Variants in MINK1 observed in about 807,000 individuals in gnomAD.
MINK1 encodes misshapen like kinase 1.
Under a neutral mutation model 178.4 loss-of-function variants are expected in MINK1, and 46 were observed. The ratio of observed to expected loss-of-function variants is 0.26; its 90% CI spans 0.20 to 0.33. The LOEUF is 0.33. MINK1 is among the 10% of genes least tolerant of loss of function. MINK1 has a pLI of 1.00. For synonymous variants in MINK1, 797 were observed against 709.7 expected, an observed-to-expected ratio of 1.12 and a Z score of -1.96; for missense variants, 1,366 against 1,814.9, an observed-to-expected ratio of 0.75 and a Z score of 4.49.
Position 4,894,388 on chromosome 17 carries a change from G to A in MINK1, c.2808+77G>A. On this transcript the variant is annotated intron_variant, in intron 23 of 31. Coordinates refer to ENST00000355280, the MANE Select transcript of MINK1 (RefSeq NM_153827.5). This position sits in a 1 kb window ranked among gnomAD's most constrained non-coding sequence, Gnocchi z 4.1. The stretch of plus-strand genomic sequence containing the variant: ...CAGGAGGTCCCGGTGCTGGGTAACG[G>A]CAGAGGATGGGGCGGAGCGCTGGGA... 1.9e-6 allele frequency: 3 copies of A among 1,558,204 alleles called. No homozygotes were observed. Among genetic ancestry groups the A allele is most frequent in the South Asian group, 1.2e-5 (1 of 84,674 alleles).
At chr17:4,893,932 G>A in intron 21 of MINK1, 56 bp from the exon 22 acceptor site, 1 of 1,409,718 alleles carries the variant, frequency 7.1e-7, no homozygotes, top group South Asian at 1.4e-5. Context: ...TGCTGCCTTT[G>A]GCACTTCTGT....
chr17:4,845,546 G>A (rs1372348231), intron 1 of MINK1, among the ~76,000 whole-genome samples: 1 of 152,148 alleles, frequency 6.6e-6, no homozygotes, highest in African/African-American at 2.4e-5. Flanking sequence ...TGGACCTCCA[G>A]GCCTCGACAG....
Position 4,878,195 on chromosome 17 carries a change from G to C in MINK1, c.58-122G>C, listed in dbSNP as rs1029626627. On this transcript the variant is annotated intron_variant, in intron 1 of 31. Transcript: ENST00000355280. ...AGCCAGCCACCAGGGTTCCTGCCAC[G>C]TGCCCTCCTGATATGCTGGTCTTCA... is the stretch of plus-strand genomic sequence containing the variant. The C allele has an allele frequency of 1.3e-5, 10 of 777,340 alleles. No homozygotes were observed. The African/African-American group carries it at 1.4e-4, about 11-fold the overall frequency. 48.2% of individuals were successfully genotyped at this position (777,340 alleles called of 1,614,324 possible). A position where few individuals can be genotyped will look rare whatever the true frequency, so the allele number is the denominator to read the frequency against.
chr17:4,844,388 T>C (rs1257073520), intron 1 of MINK1, among the ~76,000 whole-genome samples: 1 of 152,208 alleles, frequency 6.6e-6, no homozygotes, highest in African/African-American at 2.4e-5. Flanking sequence ...ACATTATCCA[T>C]AACGTTTCTT....
At chr17:4,891,844 C>A in intron 16 of MINK1, 128 bp downstream of exon 16, 1 of 1,340,704 alleles carries the variant, frequency 7.5e-7, no homozygotes, top group South Asian at 1.5e-5. Context: ...AGGGCGCTGC[C>A]CTGCCGGGGT....
Position 4,890,964 on chromosome 17 carries a change from C to A in MINK1, c.1580C>A (p.Thr527Lys). 1.3e-6 allele frequency: 2 copies of A among 1,556,450 alleles called. No homozygotes were observed. Among genetic ancestry groups the A allele is most frequent in the Non-Finnish European group, 1.7e-6 (2 of 1,149,884 alleles). The part of the protein sequence containing the change: ...PAWAREVEER[T>K]RMNKQQNSPL... ...TTCACATCACAGGTAGAAGAGAGAACAAGGATGAACAAGCAGCAGAACTCT... is the reference window on the plus strand; with the variant it reads ...TTCACATCACAGGTAGAAGAGAGAAAAAGGATGAACAAGCAGCAGAACTCT... The change falls in exon 15 of 32, where the codon ACA (threonine) becomes AAA (lysine). Residue 527 changes from threonine to lysine, a missense_variant. Thr to Lys is a moderately conservative substitution (Grantham distance 78). Transcript: ENST00000355280.
In MINK1 at chr17:4,895,075, C is replaced by T; in HGVS notation, c.2918C>T (p.Ala973Val). Residue 973 changes from alanine (A) to valine (V), a missense_variant and splice_region_variant, in exon 25 of 32, where the codon GCC (alanine) becomes GTC (valine). Around this residue, in one of 14 missense-constraint regions of MINK1, gnomAD observed 709 missense variants for 692.3 expected, o/e 1.02. Coordinates refer to ENST00000355280, the MANE Select transcript of MINK1 (RefSeq NM_153827.5). The surrounding 1 kb of genome is among the most constrained non-coding windows in gnomAD (Gnocchi z 4.3). ...GGSGDSIPIT[A>V]LVGGEGTRLD... ...TCCCACCTCCTCCTCCTTCTGGCAG[C>T]CCTAGTGGGTGGAGAGGGCACTCGG... is the stretch of plus-strand genomic sequence containing the variant. 6 of 1,613,408 alleles carry T rather than the reference C, an allele frequency of 3.7e-6. No individual in the cohort carries two copies. The highest frequency in any genetic ancestry group is 5.1e-6 in the Non-Finnish European group (6 of 1,179,956).
At chr17:4,890,236 C>A in intron 13 of MINK1, 1 of 1,134,772 alleles carries the variant, frequency 8.8e-7, no homozygotes, top group Non-Finnish European at 1.1e-6. Flanking sequence ...ATATTCGTCA[C>A]AGGCTAGAGG....
rs548887703 is a variant in MINK1 at position 4,844,775 on chromosome 17, C to G, written c.57+11135C>G. ...GATAGTCGAATAATTCAAAAGAAAG[C>G]CTCTTCAGAGGGAGGAGAGGAAGGC... On this transcript the variant is annotated intron_variant, in intron 1 of 31. Coordinates refer to ENST00000355280, the MANE Select transcript of MINK1 (RefSeq NM_153827.5). 1.7e-4 allele frequency among the ~76,000 whole-genome samples: 26 copies of G among 152,236 alleles called. No individual in the cohort carries two copies. The East Asian group carries it at 1.9e-3, about 11-fold the overall frequency.
intron 1 of MINK1, among the ~76,000 whole-genome samples, chr17:4,842,067 A>G (rs1017095114): frequency 4.6e-5 from 7 of 151,628 alleles, no homozygotes; most frequent in Non-Finnish European, 1.0e-4. Context: ...TAAAAATACA[A>G]AAAAAAATTA....
At chr17:4,876,982 A>C (rs1020414350) in intron 1 of MINK1, among the ~76,000 whole-genome samples, 1 of 152,000 alleles carries the variant, frequency 6.6e-6, no homozygotes, top group Non-Finnish European at 1.5e-5. Context: ...CCAGCTGTTC[A>C]GGAGGCTGAG....
At chr17:4,842,533 T>A (rs1439508015) in intron 1 of MINK1, among the ~76,000 whole-genome samples, 1 of 152,268 alleles carries the variant, frequency 6.6e-6, no homozygotes, top group Non-Finnish European at 1.5e-5. Flanking sequence ...TCTGCTAGCA[T>A]ACCTCTGGAG....
At chr17:4,892,365 C>G (rs1239968193) in intron 17 of MINK1, 37 bp from the exon 18 acceptor site, 1 of 1,476,184 alleles carries the variant, frequency 6.8e-7, no homozygotes, top group South Asian at 1.2e-5. Context: ...CAGCGCCCCC[C>G]CGCCGCCCCC....
In MINK1 at chr17:4,881,215, C is replaced by T. The variant is rs769568412; in HGVS notation, c.264C>T (p.Ala88=). 1.3e-6 allele frequency: 2 copies of T among 1,537,252 alleles called. No individual in the cohort carries two copies. Among genetic ancestry groups the T allele is most frequent in the Non-Finnish European group, 1.7e-6 (2 of 1,146,894 alleles). The change falls in exon 4 of 32, where the codon GCC becomes GCT. Residue 88 remains alanine, a synonymous_variant. Transcript: ENST00000355280. ...GCAACATCGCCACCTACTACGGAGC[C>T]TTCATCAAGAAGAGCCCCCCGGGAA... ...HHRNIATYYG[A]FIKKSPPGND... is the part of the protein sequence containing the mutation.
chr17:4,858,546 G>A (rs1913571974), intron 1 of MINK1, among the ~76,000 whole-genome samples: 2 of 149,772 alleles, frequency 1.3e-5, no homozygotes, highest in Non-Finnish European at 3.0e-5. Flanking sequence ...GTGCAGTCTC[G>A]GCTCACTGCA....
At chr17:4,897,009 G>T in intron 31 of MINK1, 195 bp from the exon 32 acceptor site, 1 of 936,906 alleles carries the variant, frequency 1.1e-6, no homozygotes. Context: ...TGGCCCCCAG[G>T]GGGCGAGTGG....
chr17:4,894,611 T>C lies in MINK1; in HGVS notation c.2895T>C (p.Ser965=). 6.2e-7 allele frequency: 1 copy of C among 1,606,424 alleles called. No individual in the cohort carries two copies. The highest frequency in any genetic ancestry group is 1.3e-5 in the African/African-American group (1 of 74,854). ...VDLGIYQPGG[S]GDSIPITALV... ...TAGGGATCTACCAGCCTGGAGGCAGTGGGGACAGCATCCCCATCACAGGTG... is the reference window on the plus strand; with the variant it reads ...TAGGGATCTACCAGCCTGGAGGCAGCGGGGACAGCATCCCCATCACAGGTG... Residue 965 remains serine, a synonymous_variant, in exon 24 of 32, where the codon AGT becomes AGC. Transcript: ENST00000355280. The surrounding 1 kb of genome is among the most constrained non-coding windows in gnomAD (Gnocchi z 4.1).
chr17:4,878,506 C>G (rs1468141584), intron 2 of MINK1, 124 bp downstream of exon 2: 1 of 865,000 alleles, frequency 1.2e-6, no homozygotes, highest in African/African-American at 1.7e-5. Context: ...GAGTCTAGGG[C>G]CCTGGAAAGG....
intron 5 of MINK1, 129 bp downstream of exon 5, chr17:4,884,602 G>A (rs376914124): frequency 2.5e-5 from 18 of 709,960 alleles, no homozygotes; most frequent in African/African-American, 1.1e-4. Context: ...GGCCTGATGC[G>A]GGTGGGATGT....
Sources: gnomAD v4.1 joint callset for allele counts (sites outside exome capture counted in the v4.1 genomes callset) on GRCh38, gnomAD v4.1.1 for gene constraint, gnomAD v4.1.1 regional missense constraint, Gnocchi (gnomAD v3.1) non-coding constraint, MANE v1.5 for transcripts, NCBI Gene and HGNC (gene_info 2026-07-23, HGNC 2026-07-21) for gene names.